The following SLC10A1 variants were observed in gnomAD, a reference collection of about 807,000 sequenced individuals.
The protein encoded by SLC10A1 is hepatic sodium/bile acid cotransporter.
Under a neutral mutation model 20.5 loss-of-function variants are expected in SLC10A1, and 36 were observed. The observed-to-expected ratio is 1.75, with a 90% confidence interval of 1.34 to 2.32. The LOEUF (loss-of-function observed/expected upper bound fraction) is 2.32, where lower values mean the gene tolerates loss of function less well. Among genes scored for constraint, SLC10A1 ranks in the 30% most tolerant of loss-of-function variants. The probability of loss-of-function intolerance (pLI) is 0.00; values close to 1 mark genes in which losing one functional copy is unlikely to be tolerated. For missense variants in SLC10A1, 545 were observed against 439.1 expected, an observed-to-expected ratio of 1.24 and a Z score of -2.16; for synonymous variants, 188 against 163.6, an observed-to-expected ratio of 1.15 and a Z score of -1.14.
Position 69,789,915 on chromosome 14 carries a change from T to G in SLC10A1, c.357-3608A>C, listed in dbSNP as rs866070976. Among the ~76,000 whole-genome samples the G allele has an allele frequency of 2.0e-3, 123 of 60,492 alleles. 2 individuals are homozygous for G. In the Middle Eastern group the frequency reaches 0.022, roughly 11 times the overall value. 39.7% of individuals were successfully genotyped at this position (60,492 alleles called of 152,430 possible). On this transcript the variant is annotated intron_variant, in intron 1 of 4. Transcript: ENST00000216540. Reference sequence around the variant, plus strand: ...AGAATCAGTAAAACCAAAAATAGGGTTTTTTTTTTTTCTTTTTTTTTTTAA... The same window carrying G: ...AGAATCAGTAAAACCAAAAATAGGGGTTTTTTTTTTTCTTTTTTTTTTTAA...
intron 1 of SLC10A1, among the ~76,000 whole-genome samples, chr14:69,792,888 C>T (rs150403469): frequency 2.4e-4 from 36 of 150,190 alleles, no homozygotes; most frequent in Admixed American, 4.0e-4. Context: ...TAATACTGTT[C>T]GTACAAAATT....
rs1319413821 is a variant in SLC10A1, at chr14:69,796,846, G to A, written c.310C>T (p.Leu104=). ...ATGGCCAGACTGAAGACATTGGACA[G>A]GTTCCCTCCAGGTGAGCAGCCACAG... ...LVCGCSPGGN[L]SNVFSLAMKG... Residue 104 remains leucine (L), a synonymous_variant, in exon 1 of 5, where the codon CTG becomes TTG. Transcript: ENST00000216540. The A allele has an allele frequency of 6.2e-7, 1 of 1,614,206 alleles. No individual in the cohort carries two copies. The highest frequency in any genetic ancestry group is 8.5e-7 in the Non-Finnish European group (1 of 1,180,034).
intron 2 of SLC10A1, 138 bp from the exon 3 acceptor site, chr14:69,779,498 T>C: frequency 3.3e-6 from 2 of 597,108 alleles, no homozygotes; most frequent in Non-Finnish European, 5.6e-6. Context: ...GAAAGACCTT[T>C]ATCTTCTTTT....
chr14:69,776,300 G>A lies in SLC10A1; in HGVS notation c.1032C>T (p.Cys344=). ...GGAAGGGCTAGGCTGTGCAAGGGGA[G>A]CAGTCCTCCCCTTTGTAGGTGCCAT... The part of the protein sequence containing the change: ...LGNGTYKGED[C]SPCTA The change falls in exon 5 of 5, where the codon TGC becomes TGT. Residue 344 remains cysteine, a synonymous_variant. Transcript: ENST00000216540. The A allele has an allele frequency of 6.2e-7, 1 of 1,613,140 alleles. No homozygotes were observed. The highest frequency in any genetic ancestry group is 8.5e-7 in the Non-Finnish European group (1 of 1,179,810).
intron 1 of SLC10A1, 83 bp from the exon 2 acceptor site, chr14:69,786,390 G>T: frequency 2.8e-6 from 3 of 1,066,090 alleles, no homozygotes; most frequent in Non-Finnish European, 4.3e-6. Flanking sequence ...AAGTGCCACT[G>T]TGCTAAGTGC....
intron 2 of SLC10A1, among the ~76,000 whole-genome samples, chr14:69,782,351 G>T (rs745371799): frequency 6.6e-6 from 1 of 152,080 alleles, no homozygotes; most frequent in South Asian, 2.1e-4. Flanking sequence ...ACTTCATTTC[G>T]TCTGTGGCAT....
chr14:69,781,473 C>T (rs1027366071), intron 2 of SLC10A1, among the ~76,000 whole-genome samples: 1 of 152,222 alleles, frequency 6.6e-6, no homozygotes, highest in Non-Finnish European at 1.5e-5. Context: ...TAATCAGATT[C>T]TCTCATTTAG....
intron 1 of SLC10A1, among the ~76,000 whole-genome samples, chr14:69,787,557 A>G (rs952851195): frequency 1.3e-5 from 2 of 152,238 alleles, no homozygotes; most frequent in African/African-American, 4.8e-5. Context: ...ATATGCATGA[A>G]GAGCAGCCTA....
At chr14:69,795,687 A>G (rs1044221318) in intron 1 of SLC10A1, among the ~76,000 whole-genome samples, 1 of 152,098 alleles carries the variant, frequency 6.6e-6, no homozygotes, top group African/African-American at 2.4e-5. Context: ...TGCTGGGATT[A>G]TAGGTGTGAG....
chr14:69,782,749 A>C (rs1203616508), intron 2 of SLC10A1, among the ~76,000 whole-genome samples: 5 of 149,542 alleles, frequency 3.3e-5, no homozygotes, highest in African/African-American at 1.2e-4. Context: ...TGGAGCTTGC[A>C]GTGAGCCGAG....
intron 1 of SLC10A1, among the ~76,000 whole-genome samples, chr14:69,791,703 A>T (rs139205446): frequency 5.0e-4 from 76 of 152,296 alleles, no homozygotes; most frequent in African/African-American, 1.7e-3. Flanking sequence ...AGCCACATAG[A>T]CCCGTAGAAG....
intron 2 of SLC10A1, among the ~76,000 whole-genome samples, chr14:69,779,925 CATACATATTTGTCT>C: frequency 6.6e-6 from 1 of 152,190 alleles, no homozygotes; most frequent in African/African-American, 2.4e-5. Flanking sequence ...GAGAACTTGT[CATACATATTTGTCT>C]CAAATACCTT....
rs902542590 is a variant in SLC10A1, at chr14:69,776,177, G to T, written c.*105C>A. Reference sequence around the variant, plus strand: ...TTCTGATAGATGTACTGGAAATGCTGGAGAAAGACTCAGGCAAGACTGGTG... The same window carrying T: ...TTCTGATAGATGTACTGGAAATGCTTGAGAAAGACTCAGGCAAGACTGGTG... On this transcript the variant is annotated 3_prime_UTR_variant, in exon 5 of 5. Transcript: ENST00000216540. 2 of 777,924 alleles carry T rather than the reference G, an allele frequency of 2.6e-6. No homozygotes were observed. Among genetic ancestry groups the T allele is most frequent in the Admixed American group, 2.3e-5 (1 of 43,996 alleles). The allele number at this position is 777,924 out of a possible 1,614,324, so 48.2% of individuals were successfully genotyped here.
chr14:69,787,300 G>C (rs1018295530), intron 1 of SLC10A1, among the ~76,000 whole-genome samples: 3 of 152,238 alleles, frequency 2.0e-5, no homozygotes, highest in African/African-American at 7.2e-5. Flanking sequence ...CCAGGACCCT[G>C]TCTAGGGAGA....
intron 2 of SLC10A1, among the ~76,000 whole-genome samples, chr14:69,782,559 G>GC (rs1333597271): frequency 6.6e-6 from 1 of 152,220 alleles, no homozygotes; most frequent in African/African-American, 2.4e-5. Context: ...TGTAATCCCA[G>GC]CACTTCGGGA....
rs142898958 is a variant in SLC10A1 at position 69,796,860 on chromosome 14, G to A, written c.296C>T (p.Ser99Leu). ...GACATTGGACAGGTTCCCTCCAGGT[G>A]AGCAGCCACAGACCAAGATGGCCAG... ...EALAILVCGC[S>L]PGGNLSNVFS... Residue 99 changes from serine (S) to leucine (L), a missense_variant, in exon 1 of 5, where the codon TCA becomes TTA. Physicochemically the swap from Ser to Leu is moderately radical, Grantham distance 145. Transcript: ENST00000216540. 12 of 1,614,082 alleles carry A rather than the reference G, an allele frequency of 7.4e-6. No individual in the cohort carries two copies. The African/African-American group carries it at 1.6e-4, about 22-fold the overall frequency.
intron 4 of SLC10A1, among the ~76,000 whole-genome samples, chr14:69,777,676 T>C (rs113176659): frequency 2.0e-5 from 3 of 151,144 alleles, no homozygotes; most frequent in African/African-American, 4.9e-5. Context: ...TCAATTTTAT[T>C]TTGAAAGGTA....
chr14:69,776,250 T>C lies in SLC10A1; in HGVS notation c.*32A>G, dbSNP rs770109133. ...ACCACACTGGCTTTCAGAATTGCTT[T>C]GGGACCAGAATCCAGGCCACCAGGG... On this transcript the variant is annotated 3_prime_UTR_variant, in exon 5 of 5. Transcript: ENST00000216540. 1.9e-6 allele frequency: 3 copies of C among 1,546,080 alleles called. No individual in the cohort carries two copies. The highest frequency in any genetic ancestry group is 2.3e-5 in the South Asian group (2 of 88,880).
At chr14:69,792,408 T>C (rs996322677) in intron 1 of SLC10A1, among the ~76,000 whole-genome samples, 5 of 152,138 alleles carry the variant, frequency 3.3e-5, no homozygotes, top group African/African-American at 1.2e-4. Context: ...AAGGACCCAA[T>C]GTTTCCAGAA....
Sources: gnomAD v4.1 joint callset for allele counts (sites outside exome capture counted in the v4.1 genomes callset) on GRCh38, gnomAD v4.1.1 for gene constraint, MANE v1.5 for transcripts, NCBI Gene and HGNC (gene_info 2026-07-23, HGNC 2026-07-21) for gene names.